SNRK: variants seen among roughly 807,000 people sequenced by gnomAD.
SNRK encodes SNF related kinase, also known as SNF-related serine/threonine-protein kinase.
A neutral mutation model predicts 48.2 loss-of-function variants in SNRK; 3 were observed. The ratio of observed to expected loss-of-function variants is 0.06; its 90% CI spans 0.03 to 0.16. The LOEUF is 0.16. Ranked by LOEUF, SNRK falls within the 10% of genes least tolerant of loss-of-function variation. SNRK has a pLI of 1.00. For missense variants in SNRK, 627 were observed against 976.0 expected (o/e 0.64, Z 4.76); for synonymous variants, 376 against 366.1 (o/e 1.03, Z -0.31).
intron 3 of SNRK, among the ~76,000 whole-genome samples, chr3:43,312,377 A>C (rs2090984889): frequency 6.6e-6 from 1 of 152,230 alleles, no homozygotes; most frequent in African/African-American, 2.4e-5. Context: ...GTGTCCTCAC[A>C]CATATTGGTG....
chr3:43,335,277 C>T (rs2091177828), intron 4 of SNRK, among the ~76,000 whole-genome samples: 1 of 151,974 alleles, frequency 6.6e-6, no homozygotes, highest in Non-Finnish European at 1.5e-5. Flanking sequence ...ATTTATAGTC[C>T]TTTTGTTATT....
intron 3 of SNRK, among the ~76,000 whole-genome samples, chr3:43,330,533 A>G (rs2091138223): frequency 6.6e-6 from 1 of 152,180 alleles, no homozygotes; most frequent in African/African-American, 2.4e-5. Flanking sequence ...AAACTATATA[A>G]ATTTCCTTTA....
chr3:43,317,188 T>C (rs947925361), intron 3 of SNRK, among the ~76,000 whole-genome samples: 6 of 152,228 alleles, frequency 3.9e-5, no homozygotes, highest in African/African-American at 1.4e-4. Flanking sequence ...CTGGGTAGTT[T>C]GTCTGAACTT....
rs562365987 is a variant in SNRK, at chr3:43,314,513, G to A, written c.589+10721G>A. On this transcript the variant is annotated intron_variant, in intron 3 of 6. Coordinates refer to ENST00000296088, the MANE Select transcript of SNRK (RefSeq NM_017719.5). ...CAAGCCAAGAGTTGTACTTAAGACT[G>A]TCATTTCTTTCTGTCTACCCTAGTC... 2.3e-4 allele frequency among the ~76,000 whole-genome samples: 35 copies of A among 152,218 alleles called. No homozygotes were observed. The South Asian group carries it at 3.3e-3, about 14-fold the overall frequency.
intron 1 of SNRK, among the ~76,000 whole-genome samples, chr3:43,290,193 G>A (rs1332192847): frequency 1.3e-5 from 2 of 152,112 alleles, no homozygotes; most frequent in South Asian, 4.1e-4. Context: ...TACATTATCA[G>A]ACCCAAGTAA....
intron 1 of SNRK, among the ~76,000 whole-genome samples, chr3:43,294,280 T>C (rs930199103): frequency 1.3e-5 from 2 of 152,206 alleles, no homozygotes; most frequent in Non-Finnish European, 2.9e-5. Flanking sequence ...GCATCAGAAG[T>C]GTTTTGAATT....
At chr3:43,299,849 C>T (rs1305852752) in intron 2 of SNRK, 34 bp downstream of exon 2, 1 of 152,580 alleles carries the variant, frequency 6.6e-6, no homozygotes. Flanking sequence ...TTCACCTTTA[C>T]TTTATATAAG....
Position 43,347,638 on chromosome 3 carries a change from C to G in SNRK, c.1379C>G (p.Ser460Cys). The G allele has an allele frequency of 2.5e-6, 4 of 1,613,838 alleles. No individual in the cohort carries two copies. The highest frequency in any genetic ancestry group is 3.4e-6 in the Non-Finnish European group (4 of 1,180,008). Residue 460 changes from serine (S) to cysteine (C), a missense_variant, in exon 7 of 7, where the codon TCC becomes TGC. Physicochemically the swap from Ser to Cys is moderately radical, Grantham distance 112 (BLOSUM62 -1). Transcript: ENST00000296088. The surrounding 1 kb of genome is among the most constrained non-coding windows in gnomAD (Gnocchi z 5.4). ...EEDEEDKKPM[S>C]LSTQVVLRRK... Reference sequence around the variant, plus strand: ...GATGAGGAGGACAAGAAACCCATGTCCCTCTCAACACAAGTGGTTTTGCGC... The same window carrying G: ...GATGAGGAGGACAAGAAACCCATGTGCCTCTCAACACAAGTGGTTTTGCGC...
Position 43,303,098 on chromosome 3 carries a change from A to G in SNRK, c.-106A>G. The G allele has an allele frequency of 1.5e-6, 1 of 682,164 alleles. No homozygotes were observed. The highest frequency in any genetic ancestry group is 2.3e-6 in the Non-Finnish European group (1 of 430,772). 42.3% of individuals were successfully genotyped at this position (682,164 alleles called of 1,614,324 possible). ...TTTTGTTTCTCTTCTTATTTTGTAG[A>G]TATCCATGACGACATTGAAAATGAA... On this transcript the variant is annotated splice_region_variant and 5_prime_UTR_variant, in exon 3 of 7. Coordinates refer to ENST00000296088, the MANE Select transcript of SNRK (RefSeq NM_017719.5). This position sits in a 1 kb window ranked among gnomAD's most constrained non-coding sequence, Gnocchi z 6.2.
chr3:43,309,032 T>A (rs1406074228), intron 3 of SNRK, among the ~76,000 whole-genome samples: 2 of 152,150 alleles, frequency 1.3e-5, no homozygotes, highest in African/African-American at 4.8e-5. Context: ...TAACTGCATA[T>A]GTGGTGGAAA....
At chr3:43,337,661 A>T (rs1416420020) in intron 4 of SNRK, among the ~76,000 whole-genome samples, 1 of 152,080 alleles carries the variant, frequency 6.6e-6, no homozygotes, top group African/African-American at 2.4e-5. Context: ...GATTTAATTG[A>T]CTTGCAGTTC....
chr3:43,298,502 C>T (rs189511331), intron 1 of SNRK, among the ~76,000 whole-genome samples: 1 of 152,292 alleles, frequency 6.6e-6, no homozygotes. Flanking sequence ...GCTCCACATT[C>T]CCTCATTCCT....
At chr3:43,344,356 A>C (rs1265053632) in intron 6 of SNRK, among the ~76,000 whole-genome samples, 1 of 152,204 alleles carries the variant, frequency 6.6e-6, no homozygotes, top group Non-Finnish European at 1.5e-5. Flanking sequence ...TAACCCATGG[A>C]ACTGTAGTTC....
chr3:43,315,291 T>C (rs2091006273), intron 3 of SNRK: 2 of 151,806 alleles, frequency 1.3e-5, no homozygotes, highest in South Asian at 4.1e-4. Flanking sequence ...TGTACAGAAA[T>C]CAATAACACC....
At chr3:43,322,536 A>G (rs1489359009) in intron 3 of SNRK, among the ~76,000 whole-genome samples, 2 of 152,214 alleles carry the variant, frequency 1.3e-5, no homozygotes, top group Non-Finnish European at 2.9e-5. Context: ...AAACTCCCCT[A>G]TAGACAAATG....
chr3:43,321,053 TCA>T (rs1158007985), intron 3 of SNRK, among the ~76,000 whole-genome samples: 1 of 152,096 alleles, frequency 6.6e-6, no homozygotes, highest in Admixed American at 6.6e-5. Context: ...TACTCAGTTA[TCA>T]GTTTGTGAGG....
intron 3 of SNRK, among the ~76,000 whole-genome samples, chr3:43,312,580 A>C (rs888610751): frequency 3.3e-5 from 5 of 152,214 alleles, no homozygotes; most frequent in Non-Finnish European, 5.9e-5. Flanking sequence ...GTTGAGAAAC[A>C]AGGCAAGGAT....
chr3:43,315,556 C>T (rs2091007823), intron 3 of SNRK, among the ~76,000 whole-genome samples: 1 of 152,128 alleles, frequency 6.6e-6, no homozygotes, highest in South Asian at 2.1e-4. Flanking sequence ...GATTAGAAGA[C>T]GTTAGGCTTT....
intron 3 of SNRK, among the ~76,000 whole-genome samples, chr3:43,325,827 G>A (rs1026236734): frequency 6.6e-6 from 1 of 152,124 alleles, no homozygotes; most frequent in South Asian, 2.1e-4. Context: ...CCTTGGATGA[G>A]TATCCATATT....
Sources: allele counts gnomAD v4.1 joint callset (sites outside exome capture counted in the v4.1 genomes callset), GRCh38; gene constraint gnomAD v4.1.1; non-coding constraint Gnocchi (gnomAD v3.1); transcripts MANE v1.5; gene names NCBI Gene and HGNC (gene_info 2026-07-23, HGNC 2026-07-21).